The following ABCA13 variants were observed in gnomAD, a reference collection of about 807,000 sequenced individuals.
The protein encoded by ABCA13 is ATP binding cassette subfamily A member 13.
In ABCA13, 476 loss-of-function variants were observed where a neutral mutation model predicts 478.7. The observed-to-expected ratio is 0.99, with a 90% confidence interval of 0.92 to 1.07. ABCA13 has a LOEUF of 1.07. Ranked by LOEUF, ABCA13 falls within the 50% of genes least tolerant of loss-of-function variation. The pLI, the probability that ABCA13 is intolerant of heterozygous loss-of-function variation, is 0.00. For synonymous variants in ABCA13, 2,252 were observed against 2,158.9 expected (o/e 1.04, Z -1.20); for missense variants, 6,060 against 5,910.6 (o/e 1.03, Z -0.83).
chr7:48,445,461 C>A (rs1824175502), intron 42 of ABCA13, among the ~76,000 whole-genome samples: 1 of 152,200 alleles, frequency 6.6e-6, no homozygotes, highest in Non-Finnish European at 1.5e-5. Context: ...GCCAGTTGGA[C>A]TCCTTTCAGT....
At chr7:48,640,173 T>G (rs1031610622) in intron 59 of ABCA13, among the ~76,000 whole-genome samples, 1 of 152,234 alleles carries the variant, frequency 6.6e-6, no homozygotes, top group African/African-American at 2.4e-5. Flanking sequence ...AGATTTTTAA[T>G]AGTTGAGGCT....
intron 31 of ABCA13, among the ~76,000 whole-genome samples, chr7:48,363,507 T>G (rs1215579789): frequency 1.3e-5 from 2 of 152,144 alleles, no homozygotes; most frequent in Admixed American, 1.3e-4. Context: ...AGACTCTTGA[T>G]GTATTCTAGC....
At chr7:48,466,027 T>C (rs188557400) in intron 43 of ABCA13, among the ~76,000 whole-genome samples, 226 of 152,214 alleles carry the variant, frequency 1.5e-3, no homozygotes, top group African/African-American at 5.1e-3. Flanking sequence ...TTGAGACAAG[T>C]GTTTGCAAAG....
intron 11 of ABCA13, among the ~76,000 whole-genome samples, chr7:48,245,183 T>G (rs4917166): frequency 0.38 from 57,882 of 152,100 alleles, 12,245 homozygotes; most frequent in East Asian, 0.58. Context: ...GTGAGCATTA[T>G]TCTTTCTTCC....
chr7:48,616,273 G>C (rs1380094086), intron 59 of ABCA13, among the ~76,000 whole-genome samples: 2 of 152,134 alleles, frequency 1.3e-5, no homozygotes, highest in Admixed American at 1.3e-4. Flanking sequence ...CATTTTTAGA[G>C]TTAGGCACTG....
At chr7:48,610,453 G>C (rs1791919185) in intron 58 of ABCA13, among the ~76,000 whole-genome samples, 1 of 152,188 alleles carries the variant, frequency 6.6e-6, no homozygotes, top group South Asian at 2.1e-4. Flanking sequence ...GCTTTTCCAG[G>C]AGCGCAGTGC....
At chr7:48,473,950 G>C (rs956288693) in intron 45 of ABCA13, among the ~76,000 whole-genome samples, 1 of 152,176 alleles carries the variant, frequency 6.6e-6, no homozygotes, top group Non-Finnish European at 1.5e-5. Flanking sequence ...GTTGATATGG[G>C]AGAGGTTTTG....
At chr7:48,615,731 G>A (rs1381723888) in intron 59 of ABCA13, among the ~76,000 whole-genome samples, 2 of 152,152 alleles carry the variant, frequency 1.3e-5, no homozygotes, top group Admixed American at 1.3e-4. Flanking sequence ...TTATGAAAAG[G>A]CTGTGCTGAT....
At chr7:48,234,174 C>T (rs771747708) in intron 8 of ABCA13, 23 bp downstream of exon 8, 1 of 1,613,696 alleles carries the variant, frequency 6.2e-7, no homozygotes, top group South Asian at 1.1e-5. Flanking sequence ...GACTGCTTCT[C>T]ACACCGCTGG....
intron 38 of ABCA13, among the ~76,000 whole-genome samples, chr7:48,400,214 C>T (rs1320686053): frequency 6.6e-6 from 1 of 152,144 alleles, no homozygotes; most frequent in East Asian, 1.9e-4. Flanking sequence ...TAATTTCTTG[C>T]CTGTCTTTTC....
At chr7:48,482,847 C>T (rs1409384652) in intron 46 of ABCA13, among the ~76,000 whole-genome samples, 1 of 152,188 alleles carries the variant, frequency 6.6e-6, no homozygotes, top group Non-Finnish European at 1.5e-5. Flanking sequence ...CCAGCCTTAT[C>T]CACACCTTCT....
intron 27 of ABCA13, among the ~76,000 whole-genome samples, chr7:48,320,993 G>C (rs146516104): frequency 1.6e-4 from 25 of 152,316 alleles, no homozygotes; most frequent in Middle Eastern, 3.4e-3. Flanking sequence ...CCCTACAAGT[G>C]TTATTCCCAG....
intron 30 of ABCA13, 132 bp downstream of exon 30, chr7:48,350,951 A>C: frequency 1.0e-6 from 1 of 980,586 alleles, no homozygotes; most frequent in Non-Finnish European, 1.5e-6. Flanking sequence ...AAAACATAAA[A>C]TAAAGCAGAA....
chr7:48,238,318 C>T (rs2129008080), intron 8 of ABCA13, among the ~76,000 whole-genome samples: 1 of 152,162 alleles, frequency 6.6e-6, no homozygotes, highest in Non-Finnish European at 1.5e-5. Flanking sequence ...GCGGGGAGGC[C>T]ACAAGCATTT....
At position 48,279,854 on chromosome 7, in the gene ABCA13, A is replaced by C. The variant is rs188703319; in HGVS notation, c.8660A>C (p.Glu2887Ala). The change falls in exon 18 of 62, where the codon GAG (glutamate) becomes GCG (alanine). Residue 2887 changes from glutamate to alanine, a missense_variant. Physicochemically the swap from Glu to Ala is moderately radical, Grantham distance 107. This residue lies in a region of ABCA13 where 4,423 missense variants were observed against 4,309.1 expected (regional missense o/e 1.03). Coordinates refer to ENST00000435803, the MANE Select transcript of ABCA13 (RefSeq NM_152701.5). The stretch of plus-strand genomic sequence containing the variant: ...AGTTTCAAACCATTTTTCTGTTTGG[A>C]GAAATACCTGGGAGGATTATTTGTA... Reference protein sequence around the residue: ...PYSFKPFFCLEKYLGGLFVLT... With the variant: ...PYSFKPFFCLAKYLGGLFVLT... The C allele has an allele frequency of 1.9e-5, 30 of 1,564,482 alleles. No individual in the cohort carries two copies. In the African/African-American group the frequency reaches 2.6e-4, roughly 14 times the overall value.
At chr7:48,397,969 G>T (rs1817078213) in intron 38 of ABCA13, among the ~76,000 whole-genome samples, 2 of 152,184 alleles carry the variant, frequency 1.3e-5, no homozygotes, top group Non-Finnish European at 1.5e-5. Context: ...CTACTGGAAG[G>T]TGGCTGGTTC....
At chr7:48,355,358 C>T (rs930183553) in intron 31 of ABCA13, among the ~76,000 whole-genome samples, 1 of 151,806 alleles carries the variant, frequency 6.6e-6, no homozygotes, top group Non-Finnish European at 1.5e-5. Context: ...GTAGGAGTGG[C>T]CTAGGGTATG....
At chr7:48,372,055 C>A in intron 32 of ABCA13, 113 bp from the exon 33 acceptor site, 1 of 1,103,768 alleles carries the variant, frequency 9.1e-7, no homozygotes, top group Non-Finnish European at 1.3e-6. Flanking sequence ...GCTGAATTTG[C>A]AAGCAAGCAG....
chr7:48,376,741 C>T (rs1281547520), intron 35 of ABCA13, among the ~76,000 whole-genome samples, 169 bp downstream of exon 35: 1 of 151,990 alleles, frequency 6.6e-6, no homozygotes, highest in African/African-American at 2.4e-5. Context: ...AATGTGATGC[C>T]TTTGTTTCCC....
Sources: gnomAD v4.1 joint callset for allele counts (sites outside exome capture counted in the v4.1 genomes callset) on GRCh38, gnomAD v4.1.1 for gene constraint, gnomAD v4.1.1 regional missense constraint, MANE v1.5 for transcripts, NCBI Gene and HGNC (gene_info 2026-07-23, HGNC 2026-07-21) for gene names.